The following FAM209A variants were observed in gnomAD, a reference collection of about 807,000 sequenced individuals.
FAM209A encodes the protein protein FAM209A.
Under a neutral mutation model 9.8 loss-of-function variants are expected in FAM209A, and 4 were observed. That is an observed-to-expected ratio of 0.41 (90% CI 0.20 to 0.94). FAM209A has a LOEUF of 0.94. Among genes scored for constraint, FAM209A ranks in the 40% least tolerant of loss-of-function variants. The pLI is 0.32. For missense variants in FAM209A, 205 were observed against 209.4 expected (o/e 0.98, Z 0.13); for synonymous variants, 55 against 77.8 (o/e 0.71, Z 1.54).
At chr20:56,525,149 T>A (rs1194328166) in intron 1 of FAM209A, 92 bp downstream of exon 1, 1 of 1,538,676 alleles carries the variant, frequency 6.5e-7, no homozygotes, top group African/African-American at 1.4e-5. Flanking sequence ...ACGGCACCGT[T>A]GGGTATAATG....
downstream of FAM209A, among the ~76,000 whole-genome samples, chr20:56,528,173 C>T (rs556878724): frequency 1.3e-5 from 2 of 152,074 alleles, no homozygotes; most frequent in Non-Finnish European, 2.9e-5. Flanking sequence ...GTCCCAGCTA[C>T]TTGGGAGGCT....
downstream of FAM209A, among the ~76,000 whole-genome samples, chr20:56,530,963 C>T (rs1016219317): frequency 6.6e-6 from 1 of 152,304 alleles, no homozygotes; most frequent in Admixed American, 6.5e-5. Context: ...AGGAAGATAG[C>T]TCTACAGATG....
At chr20:56,528,427 C>CAAAAA (rs34236877), downstream of FAM209A, among the ~76,000 whole-genome samples, 4 of 81,808 alleles carry the variant, frequency 4.9e-5, no homozygotes, top group Admixed American at 1.5e-4. Context: ...ACCCTCTCTA[C>CAAAAA]AAAAAAAAAA....
At chr20:56,533,561 C>T in the FAM209A span, 1 of 1,613,484 alleles carries the variant, frequency 6.2e-7, no homozygotes, top group Non-Finnish European at 8.5e-7. Context: ...TGTGATACTG[C>T]AGTGTCAAAG....
rs1238983909 is a variant in FAM209A at position 56,524,908 on chromosome 20, G to A, written c.100G>A (p.Gly34Arg). Residue 34 changes from glycine to arginine, a missense_variant, in exon 1 of 2, where the codon GGG (glycine) becomes AGG (arginine). Physicochemically the swap from Gly to Arg is moderately radical, Grantham distance 125. Transcript: ENST00000371328. ...GAGACAGAAAACTAGCGAACCCCAG[G>A]GGAAGGTGCAATACGGAGAGCACTT... ...SLRQKTSEPQGKVQYGEHFRI... is the reference protein window; with the variant it reads ...SLRQKTSEPQRKVQYGEHFRI... The A allele has an allele frequency of 6.2e-7, 1 of 1,613,692 alleles. No individual in the cohort carries two copies. Among genetic ancestry groups the A allele is most frequent in the Non-Finnish European group, 8.5e-7 (1 of 1,179,724 alleles).
chr20:56,527,412 G>A (rs1163572159), downstream of FAM209A, among the ~76,000 whole-genome samples: 1 of 152,192 alleles, frequency 6.6e-6, no homozygotes, highest in Non-Finnish European at 1.5e-5. Flanking sequence ...CAAGGGGCCA[G>A]GTTCCCTTTC....
downstream of FAM209A, among the ~76,000 whole-genome samples, chr20:56,526,473 C>T (rs1180761365): frequency 6.6e-6 from 1 of 152,052 alleles, no homozygotes; most frequent in Non-Finnish European, 1.5e-5. Flanking sequence ...TTACAAAAGA[C>T]AGCATTAATG....
downstream of FAM209A, among the ~76,000 whole-genome samples, chr20:56,527,214 T>G (rs1466060452): frequency 1.3e-5 from 2 of 152,164 alleles, no homozygotes; most frequent in African/African-American, 4.8e-5. Context: ...AGGTGTGTTT[T>G]TTTTTTTGGA....
downstream of FAM209A, among the ~76,000 whole-genome samples, chr20:56,530,505 A>AT (rs1002898573): frequency 5.1e-4 from 77 of 150,468 alleles, no homozygotes; most frequent in African/African-American, 1.7e-3. Flanking sequence ...GAATTTATTC[A>AT]TTTTTTTTTA....
chr20:56,524,858 G>C lies in FAM209A; in HGVS notation c.50G>C (p.Ser17Thr), dbSNP rs1985449822. Residue 17 changes from serine (S) to threonine (T), a missense_variant, in exon 1 of 2, where the codon AGC becomes ACC. Ser to Thr is a moderately conservative substitution (Grantham distance 58). Transcript: ENST00000371328. ...GTCCTGCTTCTGTGCCTCACCTGCAGCTATGCCTTTATGTTCTCTTCTCTG... is the reference window on the plus strand; with the variant it reads ...GTCCTGCTTCTGTGCCTCACCTGCACCTATGCCTTTATGTTCTCTTCTCTG... ...SLVLLLCLTC[S>T]YAFMFSSLRQ... is the part of the protein sequence containing the mutation. 6.2e-7 allele frequency: 1 copy of C among 1,614,070 alleles called. No homozygotes were observed. Among genetic ancestry groups the C allele is most frequent in the Admixed American group, 1.7e-5 (1 of 59,996 alleles).
At chr20:56,533,548 G>T in the FAM209A span, 1 of 1,614,162 alleles carries the variant, frequency 6.2e-7, no homozygotes, top group East Asian at 2.2e-5. Flanking sequence ...CTGTTGTGCC[G>T]TTTGTGATAC....
chr20:56,532,076 G>A, the FAM209A span, among the ~76,000 whole-genome samples: 1 of 146,632 alleles, frequency 6.8e-6, no homozygotes, highest in Non-Finnish European at 1.5e-5. Flanking sequence ...CTGGGTTCAA[G>A]TGATTCTCCC....
At position 56,524,904 on chromosome 20, in the gene FAM209A, C is replaced by T. The variant is rs1385397675; in HGVS notation, c.96C>T (p.Pro32=). Residue 32 remains proline (P), a synonymous_variant, in exon 1 of 2, where the codon CCC becomes CCT. Coordinates refer to ENST00000371328, the MANE Select transcript of FAM209A (RefSeq NM_001012971.4). ...CTCTGAGACAGAAAACTAGCGAACC[C>T]CAGGGGAAGGTGCAATACGGAGAGC... ...FSSLRQKTSE[P]QGKVQYGEHF... 6 of 1,613,940 alleles carry T rather than the reference C, an allele frequency of 3.7e-6. 1 individual carries two copies. Among genetic ancestry groups the T allele is most frequent in the South Asian group, 3.3e-5 (3 of 91,076 alleles).
At chr20:56,528,419 C>A (rs1985628104), downstream of FAM209A, among the ~76,000 whole-genome samples, 1 of 140,004 alleles carries the variant, frequency 7.1e-6, no homozygotes, top group African/African-American at 2.7e-5. Flanking sequence ...ATGGCAAAAC[C>A]CTCTCTACAA....
downstream of FAM209A, among the ~76,000 whole-genome samples, chr20:56,526,788 C>G (rs1985547337): frequency 6.6e-6 from 1 of 151,980 alleles, no homozygotes; most frequent in Admixed American, 6.6e-5. Context: ...AAGGAGAGGC[C>G]CGGCATGGTG....
the FAM209A span, among the ~76,000 whole-genome samples, chr20:56,532,035 C>T: frequency 2.8e-5 from 4 of 140,464 alleles, no homozygotes; most frequent in Admixed American, 1.5e-4. Context: ...AGTGCAGTGG[C>T]GCCATCTAAG....
chr20:56,530,108 TCATC>T (rs1985693627), downstream of FAM209A, among the ~76,000 whole-genome samples: 1 of 149,674 alleles, frequency 6.7e-6, no homozygotes, highest in African/African-American at 2.5e-5. Flanking sequence ...ATCCATCCAT[TCATC>T]CATCCACCCA....
the FAM209A span, among the ~76,000 whole-genome samples, chr20:56,532,210 G>C: frequency 2.0e-5 from 3 of 151,486 alleles, no homozygotes; most frequent in Non-Finnish European, 2.9e-5. Flanking sequence ...TCTGACCTTG[G>C]GTGATCTGCC....
the FAM209A span, chr20:56,533,078 C>T: frequency 1.2e-6 from 1 of 868,706 alleles, no homozygotes; most frequent in African/African-American, 1.8e-5. Context: ...GGAAAGAGTC[C>T]CCTGGCAGGG....
Sources: allele counts gnomAD v4.1 joint callset (sites outside exome capture counted in the v4.1 genomes callset), GRCh38; gene constraint gnomAD v4.1.1; transcripts MANE v1.5; gene names NCBI Gene and HGNC (gene_info 2026-07-23, HGNC 2026-07-21).